The following ANO10 variants were observed in gnomAD, a reference collection of about 807,000 sequenced individuals.
ANO10 encodes the protein anoctamin-10.
A neutral mutation model predicts 74.7 loss-of-function variants in ANO10; 77 were observed. The ratio of observed to expected loss-of-function variants is 1.03; its 90% confidence interval spans 0.86 to 1.25. ANO10 has a LOEUF of 1.25. Among genes scored for constraint, ANO10 ranks in the 50% most tolerant of loss-of-function variants. The pLI, the probability that ANO10 is intolerant of heterozygous loss-of-function variation, is 0.00. For missense variants in ANO10, 721 were observed against 778.1 expected (o/e 0.93, Z 0.87); for synonymous variants, 279 against 284.9 (o/e 0.98, Z 0.21).
intron 1 of ANO10, chr3:43,639,112 G>A (rs2083644647): frequency 6.6e-6 from 1 of 152,346 alleles, no homozygotes; most frequent in South Asian, 2.1e-4. Context: ...GAGAGAGAGA[G>A]CGAGCAAGCA....
chr3:43,582,267 C>T (rs1177962647), intron 4 of ANO10, among the ~76,000 whole-genome samples: 1 of 152,004 alleles, frequency 6.6e-6, no homozygotes, highest in African/African-American at 2.4e-5. Context: ...CTGCCGAACA[C>T]CGTGAAACCC....
At chr3:43,558,789 C>T (rs2079885903) in intron 9 of ANO10, among the ~76,000 whole-genome samples, 1 of 152,102 alleles carries the variant, frequency 6.6e-6, no homozygotes, top group African/African-American at 2.4e-5. Flanking sequence ...TCCCCGCCTC[C>T]AAATACATGG....
At chr3:43,368,404 C>G (rs2091484712) in intron 12 of ANO10, among the ~76,000 whole-genome samples, 1 of 152,178 alleles carries the variant, frequency 6.6e-6, no homozygotes, top group Non-Finnish European at 1.5e-5. Context: ...TGACCCACCA[C>G]TGCAAGATTT....
rs564449176 is a variant in ANO10 at position 43,592,463 on chromosome 3, C to T, written c.472+6069G>A. On this transcript the variant is annotated intron_variant, in intron 4 of 12. Transcript: ENST00000292246. ...GCAATATTTGCAGTTCTGCAGCCTCCGCTGGTGGTACCCAGGCAAACAGGG... is the reference window on the plus strand; with the variant it reads ...GCAATATTTGCAGTTCTGCAGCCTCTGCTGGTGGTACCCAGGCAAACAGGG... Among the ~76,000 whole-genome samples, 133 of 152,334 alleles carry T rather than the reference C, an allele frequency of 8.7e-4. 1 individual carries two copies. The highest frequency in any genetic ancestry group is 1.5e-3 in the Non-Finnish European group (102 of 68,022).
chr3:43,374,184 T>C (rs2091719149), intron 12 of ANO10, among the ~76,000 whole-genome samples: 1 of 152,222 alleles, frequency 6.6e-6, no homozygotes, highest in Non-Finnish European at 1.5e-5. Context: ...CAATCTTGGC[T>C]ACTTAACTCC....
Position 43,577,270 on chromosome 3 carries a change from G to T in ANO10, c.593-9C>A. On this transcript the variant is annotated splice_polypyrimidine_tract_variant and intron_variant, in intron 5 of 12. Transcript: ENST00000292246. ...GTAGCCACGAATACTGTCTATAGTG[G>T]AAACAAAGAAAGAACATAAGTATAG... 6.2e-7 allele frequency: 1 copy of T among 1,611,310 alleles called. No homozygotes were observed. Among genetic ancestry groups the T allele is most frequent in the Non-Finnish European group, 8.5e-7 (1 of 1,177,998 alleles).
intron 1 of ANO10, among the ~76,000 whole-genome samples, chr3:43,648,673 C>CT (rs57098436): frequency 0.035 from 3,945 of 111,238 alleles, 198 homozygotes; most frequent in African/African-American, 0.094. Context: ...TTTTAGCCCG[C>CT]TTTTTTTTTT....
At chr3:43,440,600 G>A (rs566742421) in intron 11 of ANO10, among the ~76,000 whole-genome samples, 5 of 151,970 alleles carry the variant, frequency 3.3e-5, no homozygotes, top group East Asian at 1.9e-4. Flanking sequence ...CACTAATACC[G>A]TAATAGTAGG....
intron 11 of ANO10, among the ~76,000 whole-genome samples, chr3:43,469,565 C>G (rs2075769420): frequency 1.3e-5 from 2 of 152,072 alleles, no homozygotes; most frequent in African/African-American, 4.8e-5. Context: ...GTGCCAAGAA[C>G]CAGTGCTTTT....
At chr3:43,530,407 C>T (rs1447907869) in intron 11 of ANO10, among the ~76,000 whole-genome samples, 3 of 149,196 alleles carry the variant, frequency 2.0e-5, no homozygotes, top group Non-Finnish European at 4.5e-5. Context: ...TTATATATTT[C>T]TTATATAAAA....
At chr3:43,523,499 T>A (rs1389304723) in intron 11 of ANO10, among the ~76,000 whole-genome samples, 2 of 152,172 alleles carry the variant, frequency 1.3e-5, no homozygotes, top group East Asian at 3.8e-4. Context: ...CATGCTATGC[T>A]GTAGCAACTC....
chr3:43,492,307 T>C (rs1159302681), intron 11 of ANO10, among the ~76,000 whole-genome samples: 1 of 152,130 alleles, frequency 6.6e-6, no homozygotes, highest in East Asian at 1.9e-4. Context: ...GATCAAAGAC[T>C]TAAACGTAAG....
At chr3:43,545,181 G>A (rs1174997920) in intron 11 of ANO10, among the ~76,000 whole-genome samples, 1 of 152,058 alleles carries the variant, frequency 6.6e-6, no homozygotes, top group East Asian at 1.9e-4. Context: ...AGTATAGCAT[G>A]CTGTTAATTT....
intron 11 of ANO10, among the ~76,000 whole-genome samples, chr3:43,490,555 C>T (rs960181674): frequency 6.6e-6 from 1 of 152,146 alleles, no homozygotes; most frequent in Non-Finnish European, 1.5e-5. Flanking sequence ...AGAACAGATA[C>T]TTGCTATGTA....
intron 1 of ANO10, among the ~76,000 whole-genome samples, chr3:43,628,052 T>C (rs1482427302): frequency 6.6e-6 from 1 of 152,084 alleles, no homozygotes; most frequent in African/African-American, 2.4e-5. Flanking sequence ...GTTGGTTCTT[T>C]TAGGATTTCC....
chr3:43,372,391 G>A (rs777928658), intron 12 of ANO10, among the ~76,000 whole-genome samples: 15 of 152,204 alleles, frequency 9.9e-5, no homozygotes, highest in Non-Finnish European at 1.3e-4. Flanking sequence ...GGTTTTAAAC[G>A]GGGGGCTGTA....
chr3:43,510,267 T>C (rs956118533), intron 11 of ANO10, among the ~76,000 whole-genome samples: 1 of 151,924 alleles, frequency 6.6e-6, no homozygotes, highest in Non-Finnish European at 1.5e-5. Flanking sequence ...CCGTCTCTAC[T>C]AAAAATACAA....
At chr3:43,512,009 C>T (rs752794658) in intron 11 of ANO10, among the ~76,000 whole-genome samples, 1 of 152,210 alleles carries the variant, frequency 6.6e-6, no homozygotes, top group Non-Finnish European at 1.5e-5. Context: ...CAGGCAATCA[C>T]AAGCTCCCCA....
intron 1 of ANO10, among the ~76,000 whole-genome samples, chr3:43,630,122 T>C (rs1185071417): frequency 1.3e-5 from 2 of 152,132 alleles, no homozygotes; most frequent in Non-Finnish European, 2.9e-5. Context: ...ACAAACAATC[T>C]GAATTAAAGA....
Sources: gnomAD v4.1 joint callset for allele counts (sites outside exome capture counted in the v4.1 genomes callset) on GRCh38, gnomAD v4.1.1 for gene constraint, MANE v1.5 for transcripts, NCBI Gene and HGNC (gene_info 2026-07-23, HGNC 2026-07-21) for gene names.